The following PDZRN4 variants were observed in gnomAD, a reference collection of about 807,000 sequenced individuals.
PDZRN4 encodes the protein PDZ domain containing ring finger 4.
In PDZRN4, 70 loss-of-function variants were observed where a neutral mutation model predicts 99.0. The observed-to-expected ratio is 0.71, with a 90% CI of 0.58 to 0.86. The LOEUF is 0.86. Ranked by LOEUF, PDZRN4 falls within the 40% of genes least tolerant of loss-of-function variation. The pLI is 0.00. For missense variants in PDZRN4, 1,474 were observed against 1,331.2 expected, an observed-to-expected ratio of 1.11 and a Z score of -1.67; for synonymous variants, 551 against 501.6, an observed-to-expected ratio of 1.10 and a Z score of -1.32.
chr12:41,425,800 G>A (rs1187037451), intron 3 of PDZRN4, among the ~76,000 whole-genome samples: 1 of 152,096 alleles, frequency 6.6e-6, no homozygotes, highest in African/African-American at 2.4e-5. Flanking sequence ...ACCTACTAAA[G>A]CCTATCAAAA....
chr12:41,254,020 T>TAC (rs1046988670), intron 3 of PDZRN4, among the ~76,000 whole-genome samples: 48 of 85,124 alleles, frequency 5.6e-4, no homozygotes, highest in African/African-American at 1.8e-3. Flanking sequence ...GAAATATATA[T>TAC]ATATATGTGT....
intron 3 of PDZRN4, among the ~76,000 whole-genome samples, chr12:41,197,421 C>T (rs888337504): frequency 2.0e-5 from 3 of 152,054 alleles, no homozygotes; most frequent in Non-Finnish European, 4.4e-5. Flanking sequence ...TCATATTTTT[C>T]ACATAATATA....
chr12:41,251,996 G>A (rs1174540081), intron 3 of PDZRN4, among the ~76,000 whole-genome samples: 2 of 151,998 alleles, frequency 1.3e-5, no homozygotes, highest in African/African-American at 4.8e-5. Context: ...TGTGCCTGTA[G>A]TCCCAGCTAC....
At chr12:41,229,561 A>G (rs987515693) in intron 3 of PDZRN4, among the ~76,000 whole-genome samples, 39 of 152,004 alleles carry the variant, frequency 2.6e-4, no homozygotes, top group Non-Finnish European at 5.1e-4. Flanking sequence ...CTTACTCCCT[A>G]TCTGCTATAT....
chr12:41,534,488 C>A (rs1938716351), intron 5 of PDZRN4, among the ~76,000 whole-genome samples: 1 of 152,030 alleles, frequency 6.6e-6, no homozygotes, highest in Admixed American at 6.6e-5. Flanking sequence ...TTGTTCCCCT[C>A]CCTGTGTCCA....
At chr12:41,253,629 T>A (rs1311886268) in intron 3 of PDZRN4, among the ~76,000 whole-genome samples, 1 of 152,156 alleles carries the variant, frequency 6.6e-6, no homozygotes, top group African/African-American at 2.4e-5. Context: ...TCCAGCAATT[T>A]CACTACTGGG....
rs1325518200 is a variant in PDZRN4 at position 41,573,626 on chromosome 12, C to T, written c.2847C>T (p.His949=). The T allele has an allele frequency of 6.2e-7, 1 of 1,613,880 alleles. No individual in the cohort carries two copies. The highest frequency in any genetic ancestry group is 8.5e-7 in the Non-Finnish European group (1 of 1,179,998). Residue 949 remains histidine, a synonymous_variant, in exon 10 of 10, where the codon CAC becomes CAT. Coordinates refer to ENST00000402685, the MANE Select transcript of PDZRN4 (RefSeq NM_001164595.2). ...GGAGCAAAGAGGAGAGAAAGCAGCA[C>T]CTGGTTAGGGCCAAAGAGCAGCGCC... The part of the protein sequence containing the change: ...RYWSKEERKQ[H]LVRAKEQRRR...
chr12:41,347,154 G>C (rs185384147), intron 3 of PDZRN4, among the ~76,000 whole-genome samples: 1 of 151,906 alleles, frequency 6.6e-6, no homozygotes, highest in East Asian at 1.9e-4. Context: ...ATTTTCCTTG[G>C]GTATATACCT....
rs761043313 is a variant in PDZRN4 at position 41,552,635 on chromosome 12, C to T, written c.1204-21C>T. 32 of 1,568,490 alleles carry T rather than the reference C, an allele frequency of 2.0e-5. No homozygotes were observed. The South Asian group carries it at 3.1e-4, about 15-fold the overall frequency. On this transcript the variant is annotated intron_variant, in intron 5 of 9. Transcript: ENST00000402685. ...ATTTTCTCTCTGACATAAATGTCAT[C>T]TGTGTGTGTTGTTCTTTCAGGAGGT...
At chr12:41,418,154 A>G (rs1173873514) in intron 3 of PDZRN4, among the ~76,000 whole-genome samples, 1 of 152,224 alleles carries the variant, frequency 6.6e-6, no homozygotes, top group Admixed American at 6.6e-5. Flanking sequence ...ATTTGAATTT[A>G]TAACTGACAT....
At chr12:41,380,991 T>C (rs1407961066) in intron 3 of PDZRN4, among the ~76,000 whole-genome samples, 1 of 152,154 alleles carries the variant, frequency 6.6e-6, no homozygotes, top group East Asian at 1.9e-4. Flanking sequence ...AGCTTTGCTA[T>C]GTATAGTATG....
intron 3 of PDZRN4, among the ~76,000 whole-genome samples, chr12:41,285,892 C>T (rs903165822): frequency 6.6e-6 from 1 of 152,012 alleles, no homozygotes; most frequent in Non-Finnish European, 1.5e-5. Flanking sequence ...AGGAGAAAAA[C>T]TTAATGTAGA....
At chr12:41,533,363 C>T (rs1366435307) in intron 5 of PDZRN4, among the ~76,000 whole-genome samples, 2 of 151,818 alleles carry the variant, frequency 1.3e-5, no homozygotes, top group African/African-American at 4.8e-5. Flanking sequence ...TTAGTAGAAA[C>T]AGGGTTTCAC....
At chr12:41,443,901 C>A (rs1193190946) in intron 3 of PDZRN4, among the ~76,000 whole-genome samples, 1 of 152,032 alleles carries the variant, frequency 6.6e-6, no homozygotes, top group East Asian at 1.9e-4. Context: ...ATATATGTGT[C>A]TGTTGGATGA....
rs541536421 is a variant in PDZRN4 at position 41,233,233 on chromosome 12, A to C, written c.843+39045A>C. ...CAGAGAAATGTAAATCAAAACCACA[A>C]TGAGAAACCATCTCACACCAGTTAG... is the stretch of plus-strand genomic sequence containing the variant. On this transcript the variant is annotated intron_variant, in intron 3 of 9. Coordinates refer to ENST00000402685, the MANE Select transcript of PDZRN4 (RefSeq NM_001164595.2). 7.2e-5 allele frequency among the ~76,000 whole-genome samples: 11 copies of C among 152,306 alleles called. No homozygotes were observed. In the East Asian group the frequency reaches 2.1e-3, roughly 29 times the overall value.
chr12:41,411,232 G>C (rs1952397352), intron 3 of PDZRN4, among the ~76,000 whole-genome samples: 2 of 151,958 alleles, frequency 1.3e-5, no homozygotes, highest in South Asian at 4.2e-4. Context: ...ATGCCTAGAA[G>C]GTTAGAACAA....
At chr12:41,245,647 CTG>C (rs1401021825) in intron 3 of PDZRN4, among the ~76,000 whole-genome samples, 1 of 151,938 alleles carries the variant, frequency 6.6e-6, no homozygotes, top group Non-Finnish European at 1.5e-5. Context: ...TTCATTCTTT[CTG>C]TGTTTTAAAA....
intron 5 of PDZRN4, among the ~76,000 whole-genome samples, chr12:41,537,979 A>G (rs1430691666): frequency 1.3e-5 from 2 of 152,194 alleles, no homozygotes; most frequent in Non-Finnish European, 2.9e-5. Context: ...CACTCCACTG[A>G]ATCAATCAAA....
At chr12:41,293,125 C>T (rs966169979) in intron 3 of PDZRN4, among the ~76,000 whole-genome samples, 6 of 147,356 alleles carry the variant, frequency 4.1e-5, no homozygotes, top group Admixed American at 4.0e-4. Flanking sequence ...ATTTTATGGC[C>T]AGTTCTAAAA....
Sources: allele counts gnomAD v4.1 joint callset (sites outside exome capture counted in the v4.1 genomes callset), GRCh38; gene constraint gnomAD v4.1.1; transcripts MANE v1.5; gene names NCBI Gene and HGNC (gene_info 2026-07-23, HGNC 2026-07-21).